RP9: variants seen among roughly 807,000 people sequenced by gnomAD.
RP9 encodes the protein retinitis pigmentosa 9 protein.
A neutral mutation model predicts 32.6 loss-of-function variants in RP9; 23 were observed. The observed-to-expected ratio is 0.71, with a 90% CI of 0.51 to 1.00. The LOEUF (loss-of-function observed/expected upper bound fraction) is 1.00. Among genes scored for constraint, RP9 ranks in the 50% least tolerant of loss-of-function variants. The pLI is 0.00. For synonymous variants in RP9, 94 were observed against 103.6 expected (o/e 0.91, Z 0.56); for missense variants, 245 against 285.3 (o/e 0.86, Z 1.02).
At chr7:33,099,781 C>T (rs994151160) in intron 2 of RP9, among the ~76,000 whole-genome samples, 7 of 151,762 alleles carry the variant, frequency 4.6e-5, no homozygotes, top group African/African-American at 1.7e-4. Context: ...TAAAGTAAAC[C>T]AGGCTTCCTG....
intron 1 of RP9, 79 bp from the exon 2 acceptor site, chr7:33,100,640 T>C (rs753704162): frequency 5.3e-5 from 60 of 1,142,476 alleles, no homozygotes; most frequent in African/African-American, 9.2e-5. Flanking sequence ...AAAGGGGCTA[T>C]AGGATTTTTA....
chr7:33,100,651 A>C, intron 1 of RP9, 90 bp from the exon 2 acceptor site: 1 of 1,046,942 alleles, frequency 9.6e-7, no homozygotes, highest in Admixed American at 1.7e-5. Context: ...AGGATTTTTA[A>C]TCAGAGATTT....
intron 1 of RP9, among the ~76,000 whole-genome samples, chr7:33,101,645 G>C (rs939457998): frequency 1.3e-5 from 2 of 152,072 alleles, no homozygotes; most frequent in Non-Finnish European, 2.9e-5. Context: ...ATAAGATGTG[G>C]GAGAAAGCAA....
At position 33,109,173 on chromosome 7, in the gene RP9, C is replaced by A; in HGVS notation, c.152+48G>T. 6.8e-7 allele frequency: 1 copy of A among 1,475,972 alleles called. No homozygotes were observed. The highest frequency in any genetic ancestry group is 1.3e-5 in the South Asian group (1 of 79,438). 91.4% of individuals were successfully genotyped at this position (1,475,972 alleles called of 1,614,324 possible). A position where few individuals can be genotyped will look rare whatever the true frequency, so the allele number is the denominator to read the frequency against. ...ACCGCGGCGTCCCGCGCCCCGGGCCCCTGGCTTCAGAAGACTGGCCGCGCG... is the reference window on the plus strand; with the variant it reads ...ACCGCGGCGTCCCGCGCCCCGGGCCACTGGCTTCAGAAGACTGGCCGCGCG... On this transcript the variant is annotated intron_variant, in intron 1 of 5. Transcript: ENST00000297157. This position sits in a 1 kb window ranked among gnomAD's most constrained non-coding sequence, Gnocchi z 4.9.
rs1414359710 is a variant in RP9 at position 33,097,273 on chromosome 7, C to T, written c.403G>A (p.Val135Met). Residue 135 changes from valine to methionine, a missense_variant and splice_region_variant, in exon 4 of 6, where the codon GTG becomes ATG. By Grantham distance (21) the Val-to-Met change is conservative (BLOSUM62 1). This residue lies in a region of RP9 where 63 missense variants were observed against 109.8 expected (regional missense o/e 0.57). Coordinates refer to ENST00000297157, the MANE Select transcript of RP9 (RefSeq NM_203288.2). Reference protein sequence around the residue: ...KGNQKLEQFRVAHEDPMYDII... With the variant: ...KGNQKLEQFRMAHEDPMYDII... ...TGACACTCTTGGACTTTACTTACCA[C>T]TCTGAACTGCTCTAACTTTTGGTTG... 62 of 1,609,012 alleles carry T rather than the reference C, an allele frequency of 3.9e-5. No homozygotes were observed. Among genetic ancestry groups the T allele is most frequent in the Non-Finnish European group, 5.1e-5 (60 of 1,175,446 alleles).
At position 33,099,152 on chromosome 7, in the gene RP9, G is replaced by A. The variant is rs1469652355; in HGVS notation, c.313+155C>T. 3.6e-6 allele frequency: 3 copies of A among 830,188 alleles called. No individual in the cohort carries two copies. In the East Asian group the frequency reaches 7.6e-5, roughly 21 times the overall value. 51.4% of individuals were successfully genotyped at this position (830,188 alleles called of 1,614,324 possible). Reference sequence around the variant, plus strand: ...TTCTTCTTCACATGGCACGGTGGTGGGGGGTGGGGTGGATGCTTCCTTATC... The same window carrying A: ...TTCTTCTTCACATGGCACGGTGGTGAGGGGTGGGGTGGATGCTTCCTTATC... On this transcript the variant is annotated intron_variant, in intron 3 of 5. Coordinates refer to ENST00000297157, the MANE Select transcript of RP9 (RefSeq NM_203288.2).
Position 33,109,063 on chromosome 7 carries a change from C to G in RP9, c.152+158G>C, listed in dbSNP as rs549001387. On this transcript the variant is annotated intron_variant, in intron 1 of 5. Coordinates refer to ENST00000297157, the MANE Select transcript of RP9 (RefSeq NM_203288.2). This position sits in a 1 kb window ranked among gnomAD's most constrained non-coding sequence, Gnocchi z 4.9. ...ACTTCAAGTCCTTGACCGCGGCGCC[C>G]GACATCGGTCGCCCGCACCAGGCTC... is the stretch of plus-strand genomic sequence containing the variant. Among the ~76,000 whole-genome samples, 10 of 151,960 alleles carry G rather than the reference C, an allele frequency of 6.6e-5. No individual in the cohort carries two copies. The highest frequency in any genetic ancestry group is 1.3e-4 in the Non-Finnish European group (9 of 67,954).
In RP9 at chr7:33,100,485, C is replaced by T. The variant is rs1489397017; in HGVS notation, c.183+46G>A. On this transcript the variant is annotated intron_variant, in intron 2 of 5. Transcript: ENST00000297157. ...TTTTCATAACAAGTTACTGAGTCTA[C>T]AAGTATGTCTTGTGGAATAACCAAG... The T allele has an allele frequency of 2.0e-6, 3 of 1,505,518 alleles. No homozygotes were observed. The South Asian group carries it at 3.4e-5, about 17-fold the overall frequency. 93.3% of individuals were successfully genotyped at this position (1,505,518 alleles called of 1,614,324 possible).
rs1584004906 is a variant in RP9, at chr7:33,106,001, ATT to A, written c.152+3218_152+3219del. On this transcript the variant is annotated intron_variant, in intron 1 of 5. Transcript: ENST00000297157. The stretch of plus-strand genomic sequence containing the variant: ...ACCTTTTCACCTTTATGGTACTCAG[ATT>A]TTGGAGACATTGGGGGAAAAACAGC... 2.6e-5 allele frequency among the ~76,000 whole-genome samples: 4 copies of A among 152,234 alleles called. No individual in the cohort carries two copies. The East Asian group carries it at 7.7e-4, about 29-fold the overall frequency.
At chr7:33,100,684 C>T in intron 1 of RP9, 123 bp from the exon 2 acceptor site, 1 of 812,986 alleles carries the variant, frequency 1.2e-6, no homozygotes, top group Admixed American at 1.9e-5. Flanking sequence ...GCTTTTATCA[C>T]TGGTTTGCAG....
rs750062123 is a variant in RP9 at position 33,096,600 on chromosome 7, A to T, written c.406-46T>A. 22 of 1,306,956 alleles carry T rather than the reference A, an allele frequency of 1.7e-5. No homozygotes were observed. The South Asian group carries it at 2.6e-4, about 15-fold the overall frequency. The allele number at this position is 1,306,956 out of a possible 1,614,324, so 81.0% of individuals were successfully genotyped here. On this transcript the variant is annotated intron_variant, in intron 4 of 5. Transcript: ENST00000297157. ...AAGGTTTGGTTAGGCTTCATGGATCACAAGTTAAATACAATGAAATGCCTA... is the reference window on the plus strand; with the variant it reads ...AAGGTTTGGTTAGGCTTCATGGATCTCAAGTTAAATACAATGAAATGCCTA...
rs1456853460 is a variant in RP9, at chr7:33,099,449, A to C, written c.184-13T>G. 2 of 1,613,552 alleles carry C rather than the reference A, an allele frequency of 1.2e-6. No individual in the cohort carries two copies. Among genetic ancestry groups the C allele is most frequent in the African/African-American group, 2.7e-5 (2 of 74,848 alleles). ...TAGTCTCATCTTCCTAAAAAAGGGA[A>C]CAGGTATAAACAGCATGGCAAGAGC... On this transcript the variant is annotated splice_polypyrimidine_tract_variant and intron_variant, in intron 2 of 5. Coordinates refer to ENST00000297157, the MANE Select transcript of RP9 (RefSeq NM_203288.2).
rs200500069 is a variant in RP9 at position 33,104,464 on chromosome 7, T to TA, written c.153-3904dup. Among the ~76,000 whole-genome samples, 99 of 142,452 alleles carry TA rather than the reference T, an allele frequency of 6.9e-4. 1 individual carries two copies. Among genetic ancestry groups the TA allele is most frequent in the Middle Eastern group, 3.6e-3 (1 of 278 alleles). The allele number at this position is 142,452 out of a possible 152,430, so 93.5% of individuals were successfully genotyped here. A position where few individuals can be genotyped will look rare whatever the true frequency, so the allele number is the denominator to read the frequency against. The stretch of plus-strand genomic sequence containing the variant: ...GTACCCCTAAACCTAAAATAAAAGT[T>TA]AAAAAAAAAAAAGTCAATTGGAAAA... On this transcript the variant is annotated intron_variant, in intron 1 of 5. Coordinates refer to ENST00000297157, the MANE Select transcript of RP9 (RefSeq NM_203288.2).
chr7:33,099,941 G>C (rs1457250504), intron 2 of RP9, among the ~76,000 whole-genome samples: 1 of 152,050 alleles, frequency 6.6e-6, no homozygotes, highest in Non-Finnish European at 1.5e-5. Context: ...CAAACTTTTG[G>C]ATTTTTTTCA....
In RP9 at chr7:33,095,115, G is replaced by A. The variant is rs1165127202; in HGVS notation, c.*119C>T. 3.5e-6 allele frequency: 4 copies of A among 1,127,930 alleles called. No individual in the cohort carries two copies. Among genetic ancestry groups the A allele is most frequent in the Non-Finnish European group, 2.7e-6 (2 of 749,368 alleles). 69.9% of individuals were successfully genotyped at this position (1,127,930 alleles called of 1,614,324 possible). ...ACTGCAAGGCGGGTGGGAGCTCACT[G>A]CTGTGACCCACATATACTCCTCTCT... On this transcript the variant is annotated 3_prime_UTR_variant, in exon 6 of 6. Coordinates refer to ENST00000297157, the MANE Select transcript of RP9 (RefSeq NM_203288.2).
rs150533672 is a variant in RP9 at position 33,107,565 on chromosome 7, C to T, written c.152+1656G>A. ...TGAAAGGGCCAGGACTGCCCTGTAA[C>T]ATGGATGCCCACAATGCAGGGTCTC... On this transcript the variant is annotated intron_variant, in intron 1 of 5. Transcript: ENST00000297157. Among the ~76,000 whole-genome samples, 88 of 152,310 alleles carry T rather than the reference C, an allele frequency of 5.8e-4. No individual in the cohort carries two copies. In the East Asian group the frequency reaches 0.017, roughly 29 times the overall value.
chr7:33,099,412 A>G lies in RP9; in HGVS notation c.208T>C (p.Cys70Arg), dbSNP rs754084436. 6.2e-7 allele frequency: 1 copy of G among 1,612,784 alleles called. No homozygotes were observed. The highest frequency in any genetic ancestry group is 8.5e-7 in the Non-Finnish European group (1 of 1,179,752). Residue 70 changes from cysteine (C) to arginine (R), a missense_variant, in exon 3 of 6, where the codon TGC becomes CGC. By Grantham distance (180) the Cys-to-Arg change is radical (BLOSUM62 -3). Transcript: ENST00000297157. ...TCATTGCCTGGTACATCTGGTATGC[A>G]ATCTTCTGGCTTAGTCTCATCTTCC... ...IKEDETKPED[C>R]IPDVPGNEHA...
In RP9 at chr7:33,109,357, C is replaced by G. The variant is rs1788549242; in HGVS notation, c.16G>C (p.Gly6Arg). MSSRP[G>R]REDVGAAGAR... Reference sequence around the variant, plus strand: ...CCCGCAGCCCCCACGTCCTCGCGCCCAGGCCGGGACGACATGTCAGCCCCC... The same window carrying G: ...CCCGCAGCCCCCACGTCCTCGCGCCGAGGCCGGGACGACATGTCAGCCCCC... Residue 6 changes from glycine to arginine, a missense_variant, in exon 1 of 6, where the codon GGG (glycine) becomes CGG (arginine). Transcript: ENST00000297157. This position sits in a 1 kb window ranked among gnomAD's most constrained non-coding sequence, Gnocchi z 4.9. 2 of 1,423,296 alleles carry G rather than the reference C, an allele frequency of 1.4e-6. No homozygotes were observed. Among genetic ancestry groups the G allele is most frequent in the African/African-American group, 3.0e-5 (2 of 66,208 alleles). The allele number at this position is 1,423,296 out of a possible 1,614,324, so 88.2% of individuals were successfully genotyped here.
Position 33,109,119 on chromosome 7 carries a change from G to C in RP9, c.152+102C>G. On this transcript the variant is annotated intron_variant, in intron 1 of 5. Transcript: ENST00000297157. The surrounding 1 kb of genome is among the most constrained non-coding windows in gnomAD (Gnocchi z 4.9). The stretch of plus-strand genomic sequence containing the variant: ...GGGCCCAGCCCCCCTGCCTGCTCGC[G>C]GGGGCTCGGAGGACCCGGCCTAGCG... 7.1e-7 allele frequency: 1 copy of C among 1,402,082 alleles called. No individual in the cohort carries two copies. Among genetic ancestry groups the C allele is most frequent in the Admixed American group, 2.8e-5 (1 of 36,126 alleles). 86.9% of individuals were successfully genotyped at this position (1,402,082 alleles called of 1,614,324 possible).
Sources: gnomAD v4.1 joint callset for allele counts (sites outside exome capture counted in the v4.1 genomes callset) on GRCh38, gnomAD v4.1.1 for gene constraint, gnomAD v4.1.1 regional missense constraint, Gnocchi (gnomAD v3.1) non-coding constraint, MANE v1.5 for transcripts, NCBI Gene and HGNC (gene_info 2026-07-23, HGNC 2026-07-21) for gene names.